Variants in ZBTB8A observed in about 807,000 individuals in gnomAD.
ZBTB8A encodes the protein zinc finger and BTB domain-containing protein 8A.
Under a neutral mutation model 37.8 loss-of-function variants are expected in ZBTB8A, and 19 were observed. The ratio of observed to expected loss-of-function variants is 0.50; its 90% CI spans 0.35 to 0.74. The LOEUF (loss-of-function observed/expected upper bound fraction) is 0.74, where lower values mean the gene tolerates loss of function less well. ZBTB8A is among the 30% of genes least tolerant of loss of function. ZBTB8A has a pLI of 0.01. For missense variants in ZBTB8A, 394 were observed against 537.8 expected (o/e 0.73, Z 2.65); for synonymous variants, 181 against 185.2 (o/e 0.98, Z 0.19).
chr1:32,592,902 G>A, intron 2 of ZBTB8A, 29 bp from the exon 3 acceptor site: 1 of 1,532,414 alleles, frequency 6.5e-7, no homozygotes, highest in Non-Finnish European at 8.8e-7. Flanking sequence ...TGTAGGTTTT[G>A]GTAACCACAT....
intron 1 of ZBTB8A, among the ~76,000 whole-genome samples, chr1:32,552,440 G>A (rs4970530): frequency 3.3e-5 from 5 of 152,138 alleles, no homozygotes; most frequent in Non-Finnish European, 5.9e-5. Flanking sequence ...CAGGAAGATT[G>A]CCTGAGGTCG....
intron 2 of ZBTB8A, among the ~76,000 whole-genome samples, chr1:32,588,148 G>A (rs1396882132): frequency 1.3e-5 from 2 of 152,014 alleles, no homozygotes; most frequent in Non-Finnish European, 2.9e-5. Flanking sequence ...AGTTCTGTGA[G>A]CTACTCTAGC....
At chr1:32,561,343 G>A (rs1217205050) in intron 2 of ZBTB8A, among the ~76,000 whole-genome samples, 2 of 152,026 alleles carry the variant, frequency 1.3e-5, no homozygotes, top group East Asian at 1.9e-4. Context: ...AGCAACGTAC[G>A]TTGATTCTTC....
At chr1:32,586,535 T>G (rs1340241724) in intron 2 of ZBTB8A, among the ~76,000 whole-genome samples, 1 of 151,948 alleles carries the variant, frequency 6.6e-6, no homozygotes, top group Non-Finnish European at 1.5e-5. Context: ...GAAGGAGTGC[T>G]TATAGATTGT....
chr1:32,575,847 T>C (rs1278275271), intron 2 of ZBTB8A, among the ~76,000 whole-genome samples: 1 of 152,130 alleles, frequency 6.6e-6, no homozygotes, highest in Non-Finnish European at 1.5e-5. Context: ...ACCCAGACCC[T>C]ATCCCTGAAA....
chr1:32,542,241 T>A (rs1644061855), intron 1 of ZBTB8A, among the ~76,000 whole-genome samples: 1 of 151,134 alleles, frequency 6.6e-6, no homozygotes, highest in African/African-American at 2.4e-5. Flanking sequence ...TTTAGATTAA[T>A]GACTATATAT....
rs768446359 is a variant in ZBTB8A, at chr1:32,595,003, TTA to T, written c.824-50_824-49del. ...GGCTTGGATTGGATTCTTTCTGTTA[TTA>T]GAATTGTTATGAACTTTCCAGTGAT... On this transcript the variant is annotated intron_variant, in intron 3 of 4. Coordinates refer to ENST00000373510, the MANE Select transcript of ZBTB8A (RefSeq NM_001040441.3). 3.0e-5 allele frequency: 44 copies of T among 1,475,012 alleles called. No homozygotes were observed. In the South Asian group the frequency reaches 5.6e-4, roughly 19 times the overall value. 91.4% of individuals were successfully genotyped at this position (1,475,012 alleles called of 1,614,324 possible). A position where few individuals can be genotyped will look rare whatever the true frequency, so the allele number is the denominator to read the frequency against.
intron 2 of ZBTB8A, among the ~76,000 whole-genome samples, chr1:32,584,552 C>T (rs1292432205): frequency 2.2e-5 from 3 of 139,462 alleles, no homozygotes; most frequent in Non-Finnish European, 3.0e-5. Flanking sequence ...GTCATTGTTG[C>T]CCAGGCTGGA....
chr1:32,586,549 AG>A (rs1644451152), intron 2 of ZBTB8A, among the ~76,000 whole-genome samples: 1 of 152,078 alleles, frequency 6.6e-6, no homozygotes, highest in South Asian at 2.1e-4. Context: ...AGATTGTTAA[AG>A]GAAAGCCTGT....
intron 1 of ZBTB8A, among the ~76,000 whole-genome samples, chr1:32,547,828 C>CAAAAAAAAAAAAAAA: frequency 3.3e-5 from 1 of 30,478 alleles, no homozygotes; most frequent in Non-Finnish European, 5.9e-5. Flanking sequence ...ACAAACAAAG[C>CAAAAAAAAAAAAAAA]AAAAAAAAAA....
In ZBTB8A at chr1:32,567,740, C is replaced by T. The variant is rs1163501242; in HGVS notation, c.-2+14200C>T. On this transcript the variant is annotated intron_variant, in intron 2 of 4. Transcript: ENST00000373510. ...CCGGGAGGCGGAGCTTGCAGTGAGC[C>T]GAGATTGCGCCACTACACTCCAGCC... is the stretch of plus-strand genomic sequence containing the variant. 7.4e-5 allele frequency among the ~76,000 whole-genome samples: 9 copies of T among 122,032 alleles called. No homozygotes were observed. In the Admixed American group the frequency reaches 8.8e-4, roughly 12 times the overall value. 80.1% of individuals were successfully genotyped at this position (122,032 alleles called of 152,430 possible).
rs141366344 is a variant in ZBTB8A, at chr1:32,564,831, A to C, written c.-2+11291A>C. ...GTAGTATATCATTTAACTGCAGCAA[A>C]ATTGTTTAAAAGTGTTGAAGTTGGA... On this transcript the variant is annotated intron_variant, in intron 2 of 4. Transcript: ENST00000373510. Among the ~76,000 whole-genome samples, 137 of 152,280 alleles carry C rather than the reference A, an allele frequency of 9.0e-4. 1 individual carries two copies. Among genetic ancestry groups the C allele is most frequent in the Non-Finnish European group, 1.7e-3 (119 of 68,032 alleles).
intron 2 of ZBTB8A, among the ~76,000 whole-genome samples, chr1:32,581,372 A>C (rs1284161248): frequency 7.2e-6 from 1 of 139,384 alleles, no homozygotes; most frequent in African/African-American, 2.7e-5. Flanking sequence ...TTTTTTTGAG[A>C]TAGAGTTTCC....
intron 4 of ZBTB8A, among the ~76,000 whole-genome samples, chr1:32,596,851 A>C (rs1233168103): frequency 6.6e-6 from 1 of 152,074 alleles, no homozygotes; most frequent in Non-Finnish European, 1.5e-5. Context: ...TCAGAGCCAA[A>C]GATAATATAA....
rs576803530 is a variant in ZBTB8A, at chr1:32,580,987, A to G, written c.-1-11944A>G. On this transcript the variant is annotated intron_variant, in intron 2 of 4. Coordinates refer to ENST00000373510, the MANE Select transcript of ZBTB8A (RefSeq NM_001040441.3). ...ATGAATGAGGTGTCCACACGACCTA[A>G]TAACTTCTTTAATCTACCTCTTAAT... Among the ~76,000 whole-genome samples the G allele has an allele frequency of 1.2e-4, 18 of 149,094 alleles. No homozygotes were observed. In the East Asian group the frequency reaches 3.2e-3, roughly 26 times the overall value.
At chr1:32,559,012 C>G (rs1264815946) in intron 2 of ZBTB8A, among the ~76,000 whole-genome samples, 1 of 152,136 alleles carries the variant, frequency 6.6e-6, no homozygotes, top group Non-Finnish European at 1.5e-5. Context: ...ACAGCAGAGC[C>G]GGGGTTTAGA....
chr1:32,583,019 TTC>T (rs1644419326), intron 2 of ZBTB8A, among the ~76,000 whole-genome samples: 2 of 152,174 alleles, frequency 1.3e-5, no homozygotes, highest in African/African-American at 4.8e-5. Flanking sequence ...TTATAGGGTC[TTC>T]ATCTGTATAT....
At chr1:32,554,023 A>ATTGTATTTTT (rs1169686644) in intron 2 of ZBTB8A, among the ~76,000 whole-genome samples, 2 of 151,946 alleles carry the variant, frequency 1.3e-5, no homozygotes, top group African/African-American at 4.8e-5. Context: ...AACATGGCAA[A>ATTGTATTTTT]ACCCCATCTC....
At chr1:32,548,125 T>TC (rs1371819454) in intron 1 of ZBTB8A, among the ~76,000 whole-genome samples, 1 of 114,356 alleles carries the variant, frequency 8.7e-6, no homozygotes, top group African/African-American at 3.5e-5. Flanking sequence ...AGAGCTAGAC[T>TC]CCGTCTCAAA....
Sources: allele counts gnomAD v4.1 joint callset (sites outside exome capture counted in the v4.1 genomes callset), GRCh38; gene constraint gnomAD v4.1.1; transcripts MANE v1.5; gene names NCBI Gene and HGNC (gene_info 2026-07-23, HGNC 2026-07-21).